Variants in CAST observed in about 807,000 individuals in gnomAD.
CAST encodes MIR583 host.
In CAST, 76 loss-of-function variants were observed where a neutral mutation model predicts 119.6. That is an observed-to-expected ratio of 0.64 (90% CI 0.53 to 0.77). The LOEUF is 0.77. Ranked by LOEUF, CAST falls within the 30% of genes least tolerant of loss-of-function variation. The pLI, the probability that CAST is intolerant of heterozygous loss-of-function variation, is 0.00. For synonymous variants in CAST, 319 were observed against 331.6 expected (o/e 0.96, Z 0.41); for missense variants, 953 against 946.5 (o/e 1.01, Z -0.09).
chr5:96,648,456 T>C (rs1256700442), intron 1 of CAST, among the ~76,000 whole-genome samples: 1 of 151,790 alleles, frequency 6.6e-6, no homozygotes, highest in East Asian at 1.9e-4. Flanking sequence ...TTAATATATC[T>C]GTATATTTAA....
chr5:96,176,041 G>A, the CAST span, among the ~76,000 whole-genome samples: 1 of 152,214 alleles, frequency 6.6e-6, no homozygotes, highest in South Asian at 2.1e-4. Context: ...GGCTCGTCTA[G>A]CTCTATTTTG....
At chr5:96,348,091 T>C in the CAST span, among the ~76,000 whole-genome samples, 1 of 152,160 alleles carries the variant, frequency 6.6e-6, no homozygotes, top group Non-Finnish European at 1.5e-5. Flanking sequence ...TTAAGTAAGC[T>C]GAAAAGTTCA....
the CAST span, among the ~76,000 whole-genome samples, chr5:96,330,242 T>C: frequency 6.6e-6 from 1 of 152,354 alleles, no homozygotes; most frequent in East Asian, 1.9e-4. Context: ...ATGGCAGTTT[T>C]ATATGGTTCC....
At chr5:96,658,089 A>T (rs1309341381), upstream of CAST, among the ~76,000 whole-genome samples, 1 of 151,828 alleles carries the variant, frequency 6.6e-6, no homozygotes, top group Non-Finnish European at 1.5e-5. Flanking sequence ...ACAGAGCGAG[A>T]GTCCATCTGA....
chr5:96,678,484 A>G (rs1012650764), intron 2 of CAST, among the ~76,000 whole-genome samples: 5 of 152,134 alleles, frequency 3.3e-5, no homozygotes, highest in African/African-American at 1.2e-4. Flanking sequence ...GGACTTTGGG[A>G]GGGTATAACC....
At chr5:96,410,969 C>T in the CAST span, 10 of 1,613,088 alleles carry the variant, frequency 6.2e-6, no homozygotes, top group South Asian at 1.1e-5. Flanking sequence ...CGAAGATGGA[C>T]CCCTTCCCCT....
chr5:96,681,945 A>G (rs2150266614), intron 2 of CAST, among the ~76,000 whole-genome samples: 1 of 145,026 alleles, frequency 6.9e-6, no homozygotes, highest in Admixed American at 6.7e-5. Context: ...CCCACGGTAC[A>G]ATACAATGAG....
At chr5:96,177,443 A>G in the CAST span, among the ~76,000 whole-genome samples, 1 of 152,180 alleles carries the variant, frequency 6.6e-6, no homozygotes, top group African/African-American at 2.4e-5. Flanking sequence ...ATTGCTGCTG[A>G]TAGTAACTGA....
chr5:96,340,134 T>G, the CAST span, among the ~76,000 whole-genome samples: 5 of 152,222 alleles, frequency 3.3e-5, no homozygotes, highest in Non-Finnish European at 7.3e-5. Flanking sequence ...GTCTTTGCTA[T>G]TTACCTCAAG....
intron 20 of CAST, among the ~76,000 whole-genome samples, chr5:96,752,010 CA>C (rs1424067230): frequency 6.6e-6 from 1 of 152,094 alleles, no homozygotes. Context: ...CCTCGAACGC[CA>C]GAAAGAATAG....
intron 1 of CAST, among the ~76,000 whole-genome samples, chr5:96,578,162 A>T (rs1214962948): frequency 3.9e-5 from 6 of 152,010 alleles, no homozygotes; most frequent in Non-Finnish European, 8.8e-5. Flanking sequence ...TAATTCTTTT[A>T]TCATTATGTA....
intron 9 of CAST, among the ~76,000 whole-genome samples, chr5:96,734,043 A>G (rs1158076789): frequency 6.6e-6 from 1 of 152,214 alleles, no homozygotes; most frequent in Admixed American, 6.5e-5. Flanking sequence ...TGAGGAATGA[A>G]GGGATTCTAT....
chr5:96,298,163 A>G, the CAST span, among the ~76,000 whole-genome samples: 1 of 152,226 alleles, frequency 6.6e-6, no homozygotes, highest in Non-Finnish European at 1.5e-5. Flanking sequence ...TTGTTGGAAA[A>G]GAAGCTTCTC....
chr5:96,514,730 CTTGTTTGTTTGT>C, the CAST span, among the ~76,000 whole-genome samples: 1 of 151,860 alleles, frequency 6.6e-6, no homozygotes, highest in African/African-American at 2.4e-5. Flanking sequence ...TTTCCTCTTG[CTTGTTTGTTTGT>C]TTGTTTGTTT....
chr5:96,317,119 C>T, the CAST span, among the ~76,000 whole-genome samples: 1 of 152,080 alleles, frequency 6.6e-6, no homozygotes, highest in Non-Finnish European at 1.5e-5. Flanking sequence ...ACACATTTGA[C>T]ATTTCAGAAA....
chr5:96,160,697 A>T, the CAST span, among the ~76,000 whole-genome samples: 1 of 152,266 alleles, frequency 6.6e-6, no homozygotes. Context: ...CTGTTTCCCT[A>T]AGTAGTTACA....
chr5:96,567,058 C>A (rs970395946), intron 1 of CAST, among the ~76,000 whole-genome samples: 1 of 152,192 alleles, frequency 6.6e-6, no homozygotes, highest in Non-Finnish European at 1.5e-5. Flanking sequence ...GGAGTTTCTG[C>A]ATTTGAGTGT....
the CAST span, among the ~76,000 whole-genome samples, chr5:96,107,177 A>C: frequency 6.6e-6 from 1 of 151,916 alleles, no homozygotes; most frequent in Non-Finnish European, 1.5e-5. Flanking sequence ...CTCTTTATCC[A>C]ATTTGCCAGT....
At chr5:96,339,737 A>C in the CAST span, among the ~76,000 whole-genome samples, 1 of 152,332 alleles carries the variant, frequency 6.6e-6, no homozygotes, top group South Asian at 2.1e-4. Context: ...GAGGAGAGCT[A>C]AGGTGAGTCC....
Sources: gnomAD v4.1 joint callset for allele counts (sites outside exome capture counted in the v4.1 genomes callset) on GRCh38, gnomAD v4.1.1 for gene constraint, MANE v1.5 for transcripts, NCBI Gene and HGNC (gene_info 2026-07-23, HGNC 2026-07-21) for gene names.